FOCAD: variants seen among roughly 807,000 people sequenced by gnomAD.
FOCAD encodes KIAA1797.
Under a neutral mutation model 225.6 loss-of-function variants are expected in FOCAD, and 198 were observed. The ratio of observed to expected loss-of-function variants is 0.88; its 90% CI spans 0.78 to 0.99. The LOEUF (loss-of-function observed/expected upper bound fraction) is 0.99, where lower values mean the gene tolerates loss of function less well. Ranked by LOEUF, FOCAD falls within the 50% of genes least tolerant of loss-of-function variation. The pLI is 0.00. For missense variants in FOCAD, 2,713 were observed against 2,123.6 expected, an observed-to-expected ratio of 1.28 and a Z score of -5.46; for synonymous variants, 897 against 755.0, an observed-to-expected ratio of 1.19 and a Z score of -3.08.
intron 18 of FOCAD, chr9:20,874,098 G>A (rs746674695): frequency 6.6e-6 from 1 of 152,006 alleles, no homozygotes; most frequent in Non-Finnish European, 1.5e-5. Flanking sequence ...ATGCAAATTA[G>A]ACACAATAAT....
chr9:20,919,282 G>C (rs1238546190), intron 24 of FOCAD, among the ~76,000 whole-genome samples: 1 of 152,252 alleles, frequency 6.6e-6, no homozygotes, highest in East Asian at 1.9e-4. Context: ...TCTTCAAGGA[G>C]AACTACGGAC....
intron 35 of FOCAD, among the ~76,000 whole-genome samples, chr9:20,956,017 G>T (rs923463267): frequency 6.6e-6 from 1 of 152,188 alleles, no homozygotes; most frequent in African/African-American, 2.4e-5. Flanking sequence ...ACAGTAAGAA[G>T]TATTAACTAA....
At chr9:20,896,092 A>G (rs929685279) in intron 21 of FOCAD, among the ~76,000 whole-genome samples, 1 of 151,870 alleles carries the variant, frequency 6.6e-6, no homozygotes, top group Admixed American at 6.6e-5. Context: ...GATTTTGTCA[A>G]ATGCTTTTTC....
At chr9:20,926,133 A>T (rs1034117472) in intron 25 of FOCAD, among the ~76,000 whole-genome samples, 168 bp from the exon 26 acceptor site, 7 of 148,224 alleles carry the variant, frequency 4.7e-5, no homozygotes, top group African/African-American at 1.7e-4. Flanking sequence ...ATATTTGTCA[A>T]CTACCTGTAT....
chr9:20,826,526 G>A (rs1256489828), intron 15 of FOCAD, among the ~76,000 whole-genome samples: 2 of 152,016 alleles, frequency 1.3e-5, no homozygotes, highest in East Asian at 1.9e-4. Flanking sequence ...GTTTGCATAT[G>A]GCCTATTGTG....
intron 24 of FOCAD, among the ~76,000 whole-genome samples, chr9:20,918,450 G>T (rs547837768): frequency 6.6e-6 from 1 of 152,238 alleles, no homozygotes; most frequent in Non-Finnish European, 1.5e-5. Context: ...GTGGCCGGGC[G>T]CGGTGGCTCA....
At chr9:20,834,148 A>C (rs975902167) in intron 15 of FOCAD, among the ~76,000 whole-genome samples, 9 of 152,150 alleles carry the variant, frequency 5.9e-5, no homozygotes, top group African/African-American at 2.2e-4. Context: ...TGTCCATTGC[A>C]GGGACATGGA....
chr9:20,765,009 A>T lies in FOCAD; in HGVS notation c.635A>T (p.Asp212Val), dbSNP rs748556974. 6.2e-7 allele frequency: 1 copy of T among 1,614,022 alleles called. No individual in the cohort carries two copies. Among genetic ancestry groups the T allele is most frequent in the Non-Finnish European group, 8.5e-7 (1 of 1,180,014 alleles). The change falls in exon 7 of 44, where the codon GAT (aspartate) becomes GTT (valine). Residue 212 changes from aspartate to valine, a missense_variant. By Grantham distance (152) the Asp-to-Val change is radical. Coordinates refer to ENST00000338382, the MANE Select transcript of FOCAD (RefSeq NM_001375567.1). ...LLQPQVLCDK[D>V]QPSILEQQIL... ...CAACCCCAGGTTCTTTGTGACAAAG[A>T]TCAACCATCAATACTGGAACAGCAG...
chr9:20,755,380 G>C (rs896657295), intron 5 of FOCAD, among the ~76,000 whole-genome samples: 4 of 152,230 alleles, frequency 2.6e-5, no homozygotes, highest in African/African-American at 9.6e-5. Context: ...CAAAGCTGGA[G>C]TGGCTCCCTC....
intron 11 of FOCAD, among the ~76,000 whole-genome samples, chr9:20,811,941 C>CT (rs1244954461): frequency 1.3e-5 from 2 of 151,852 alleles, no homozygotes; most frequent in African/African-American, 4.8e-5. Flanking sequence ...TATGTTTTAT[C>CT]TTTTCAATTT....
At chr9:20,781,646 A>AT in intron 9 of FOCAD, 81 bp from the exon 10 acceptor site, 1 of 1,240,264 alleles carries the variant, frequency 8.1e-7, no homozygotes, top group Non-Finnish European at 1.2e-6. Flanking sequence ...ACTTTCTTGC[A>AT]TATCATTCTT....
chr9:20,805,333 A>C (rs918231431), intron 11 of FOCAD, among the ~76,000 whole-genome samples: 5 of 152,308 alleles, frequency 3.3e-5, no homozygotes, highest in African/African-American at 9.6e-5. Flanking sequence ...CAGTTATTCA[A>C]GTGGGAACCA....
At chr9:20,824,150 T>C (rs1321632761) in intron 15 of FOCAD, among the ~76,000 whole-genome samples, 1 of 152,154 alleles carries the variant, frequency 6.6e-6, no homozygotes, top group East Asian at 1.9e-4. Context: ...GGCAAGGGGC[T>C]ATTATAGCAG....
intron 15 of FOCAD, among the ~76,000 whole-genome samples, chr9:20,828,609 A>C (rs1825158312): frequency 6.6e-6 from 1 of 152,014 alleles, no homozygotes; most frequent in Non-Finnish European, 1.5e-5. Context: ...TTTCCAAGAA[A>C]GTGATTTTAT....
At chr9:20,800,631 T>A (rs989451572) in intron 11 of FOCAD, among the ~76,000 whole-genome samples, 16 of 152,214 alleles carry the variant, frequency 1.1e-4, no homozygotes, top group Non-Finnish European at 1.9e-4. Context: ...TTCTTCCAGT[T>A]GATCGAATCG....
rs145208449 is a variant in FOCAD, at chr9:20,909,187, C to T, written c.2718+1945C>T. Among the ~76,000 whole-genome samples, 201 of 152,190 alleles carry T rather than the reference C, an allele frequency of 1.3e-3. 2 individuals are homozygous for T. Among genetic ancestry groups the T allele is most frequent in the African/African-American group, 4.6e-3 (193 of 41,554 alleles). ...ATAAGAGCTATGGTTTGTTGAGTAA[C>T]TAGTGTGTGTCCAGTACTTAACATA... On this transcript the variant is annotated intron_variant, in intron 22 of 43. Coordinates refer to ENST00000338382, the MANE Select transcript of FOCAD (RefSeq NM_001375567.1).
In FOCAD at chr9:20,815,123, G is replaced by GTGTTTT. The variant is rs1564024181; in HGVS notation, c.1456-4672_1456-4671insGTTTTT. Among the ~76,000 whole-genome samples the GTGTTTT allele has an allele frequency of 1.0e-3, 89 of 85,370 alleles. 9 individuals carry two copies. The highest frequency in any genetic ancestry group is 1.3e-3 in the Non-Finnish European group (60 of 44,538). The allele number at this position is 85,370 out of a possible 152,430, so 56.0% of individuals were successfully genotyped here. A position where few individuals can be genotyped will look rare whatever the true frequency, so the allele number is the denominator to read the frequency against. On this transcript the variant is annotated intron_variant, in intron 11 of 43. Transcript: ENST00000338382. ...TCTGGAAATATCATTACTTCTCTTT[G>GTGTTTT]TTTTTTTTTTTTTGTTTTTTTTTTT...
At chr9:20,859,012 G>A (rs891438535) in intron 15 of FOCAD, among the ~76,000 whole-genome samples, 1 of 151,814 alleles carries the variant, frequency 6.6e-6, no homozygotes, top group Non-Finnish European at 1.5e-5. Context: ...CATATAGTCT[G>A]TCCTTGAGAA....
chr9:20,800,658 C>T (rs1037599649), intron 11 of FOCAD, among the ~76,000 whole-genome samples: 3 of 152,164 alleles, frequency 2.0e-5, no homozygotes, highest in Non-Finnish European at 2.9e-5. Context: ...GAGGCTTGTG[C>T]ATTCGTCAAA....
Sources: gnomAD v4.1 joint callset for allele counts (sites outside exome capture counted in the v4.1 genomes callset) on GRCh38, gnomAD v4.1.1 for gene constraint, MANE v1.5 for transcripts, NCBI Gene and HGNC (gene_info 2026-07-23, HGNC 2026-07-21) for gene names.